The following CNTNAP2 variants were observed in gnomAD, a reference collection of about 807,000 sequenced individuals.
The protein encoded by CNTNAP2 is contactin-associated protein-like 2.
In CNTNAP2, 98 loss-of-function variants were observed where a neutral mutation model predicts 155.2. The observed-to-expected ratio is 0.63, with a 90% confidence interval of 0.54 to 0.75. The LOEUF (loss-of-function observed/expected upper bound fraction) is 0.75, where lower values mean the gene tolerates loss of function less well. CNTNAP2 is among the 30% of genes least tolerant of loss of function. CNTNAP2 has a pLI of 0.00. For missense variants in CNTNAP2, 1,727 were observed against 1,688.1 expected (o/e 1.02, Z -0.40); for synonymous variants, 651 against 631.2 (o/e 1.03, Z -0.47).
intron 1 of CNTNAP2, among the ~76,000 whole-genome samples, chr7:146,409,065 A>T (rs1473167903): frequency 6.6e-6 from 1 of 152,102 alleles, no homozygotes; most frequent in East Asian, 1.9e-4. Context: ...TGTTTAATTT[A>T]TTTTTGTATT....
chr7:146,206,909 A>G (rs1282503984), intron 1 of CNTNAP2, among the ~76,000 whole-genome samples: 2 of 151,990 alleles, frequency 1.3e-5, no homozygotes, highest in African/African-American at 2.4e-5. Flanking sequence ...ATCAAAATAC[A>G]TATTTAGATT....
At chr7:148,233,491 A>AT (rs1452397628) in intron 20 of CNTNAP2, among the ~76,000 whole-genome samples, 1 of 152,244 alleles carries the variant, frequency 6.6e-6, no homozygotes, top group Non-Finnish European at 1.5e-5. Flanking sequence ...TATGCAACCC[A>AT]TAAGGATGAA....
chr7:148,322,140 C>T (rs561341424), intron 21 of CNTNAP2, among the ~76,000 whole-genome samples: 1 of 152,134 alleles, frequency 6.6e-6, no homozygotes, highest in South Asian at 2.1e-4. Flanking sequence ...CCAGGCTGCT[C>T]TCGAACTCCT....
chr7:147,458,998 A>C (rs10245772), intron 10 of CNTNAP2, among the ~76,000 whole-genome samples: 4 of 151,634 alleles, frequency 2.6e-5, no homozygotes, highest in Non-Finnish European at 5.9e-5. Context: ...CTGTGCCACT[A>C]TATTATGGTT....
chr7:147,699,871 A>G (rs1796210612), intron 13 of CNTNAP2, among the ~76,000 whole-genome samples: 1 of 152,266 alleles, frequency 6.6e-6, no homozygotes, highest in Non-Finnish European at 1.5e-5. Context: ...AGCAACTGTC[A>G]GTCTGTCTTC....
At chr7:146,302,913 T>G (rs1454214902) in intron 1 of CNTNAP2, among the ~76,000 whole-genome samples, 1 of 152,194 alleles carries the variant, frequency 6.6e-6, no homozygotes, top group Non-Finnish European at 1.5e-5. Flanking sequence ...TTGTAATAAA[T>G]GTATTATTCA....
chr7:147,591,383 G>A lies in CNTNAP2; in HGVS notation c.1897+29126G>A, dbSNP rs570050636. On this transcript the variant is annotated intron_variant, in intron 12 of 23. Coordinates refer to ENST00000361727, the MANE Select transcript of CNTNAP2 (RefSeq NM_014141.6). ...TTTCCTCATTTCCTCTTCTTGTGAA[G>A]ACATCAGTTGGATTAGATGAAGGCT... Among the ~76,000 whole-genome samples the A allele has an allele frequency of 9.2e-5, 14 of 152,190 alleles. 1 individual carries two copies. The highest frequency in any genetic ancestry group is 3.9e-4 in the Admixed American group (6 of 15,274).
At chr7:146,277,025 G>T (rs1481201124) in intron 1 of CNTNAP2, among the ~76,000 whole-genome samples, 2 of 152,104 alleles carry the variant, frequency 1.3e-5, no homozygotes, top group African/African-American at 4.8e-5. Flanking sequence ...AATTAAGTGG[G>T]TGGTCATAAA....
intron 3 of CNTNAP2, among the ~76,000 whole-genome samples, chr7:146,970,123 A>G (rs375116624): frequency 1.4e-4 from 22 of 152,274 alleles, no homozygotes; most frequent in Admixed American, 4.6e-4. Context: ...GAAAACCTAG[A>G]CATTACCATT....
intron 8 of CNTNAP2, among the ~76,000 whole-genome samples, chr7:147,199,756 G>A (rs1422130957): frequency 6.6e-6 from 1 of 151,944 alleles, no homozygotes; most frequent in Non-Finnish European, 1.5e-5. Context: ...GAGAAAAGCA[G>A]AGGATATACA....
intron 9 of CNTNAP2, among the ~76,000 whole-genome samples, chr7:147,384,182 T>C (rs1796590427): frequency 6.6e-6 from 1 of 152,136 alleles, no homozygotes; most frequent in Admixed American, 6.6e-5. Context: ...ATCTTAAGTA[T>C]TCACTCTGAA....
At chr7:147,477,507 G>A (rs1798343754) in intron 10 of CNTNAP2, among the ~76,000 whole-genome samples, 1 of 152,034 alleles carries the variant, frequency 6.6e-6, no homozygotes, top group African/African-American at 2.4e-5. Context: ...TTTGCCTTTA[G>A]TTTTTCCCTT....
At chr7:147,298,296 C>T (rs190188205) in intron 8 of CNTNAP2, among the ~76,000 whole-genome samples, 71 of 151,936 alleles carry the variant, frequency 4.7e-4, no homozygotes, top group Middle Eastern at 3.4e-3. Context: ...TGGTGATGCA[C>T]GCCTATAATC....
intron 10 of CNTNAP2, among the ~76,000 whole-genome samples, chr7:147,425,215 A>T (rs1190796065): frequency 3.7e-3 from 28 of 7,628 alleles, no homozygotes; most frequent in African/African-American, 0.02. Context: ...TCTAAACGAC[A>T]AAAAAAAAAA....
chr7:147,874,801 G>T (rs544905444), intron 13 of CNTNAP2, among the ~76,000 whole-genome samples: 3 of 152,142 alleles, frequency 2.0e-5, no homozygotes, highest in African/African-American at 7.2e-5. Context: ...GCTTCATCTT[G>T]AATGCTTTGC....
chr7:147,047,568 A>T (rs1461293117), intron 4 of CNTNAP2, among the ~76,000 whole-genome samples: 2 of 152,224 alleles, frequency 1.3e-5, no homozygotes, highest in Admixed American at 1.3e-4. Context: ...CATTCTCATT[A>T]CAATTGCTAG....
At chr7:146,216,360 A>G (rs13239694) in intron 1 of CNTNAP2, among the ~76,000 whole-genome samples, 11,975 of 152,278 alleles carry the variant, frequency 0.079, 509 homozygotes, top group Middle Eastern at 0.14. Flanking sequence ...AAAAACAGAT[A>G]TATTCTAAGA....
chr7:146,483,326 T>TATATACAC (rs1554439604), intron 1 of CNTNAP2, among the ~76,000 whole-genome samples: 8 of 79,260 alleles, frequency 1.0e-4, no homozygotes, highest in African/African-American at 2.2e-4. Flanking sequence ...TATATATATA[T>TATATACAC]ATACATATAT....
chr7:146,823,539 A>G (rs1362856915), intron 2 of CNTNAP2, among the ~76,000 whole-genome samples: 3 of 144,028 alleles, frequency 2.1e-5, no homozygotes, highest in East Asian at 4.3e-4. Flanking sequence ...TTACATGGAA[A>G]TATACTCATT....
Sources: gnomAD v4.1 joint callset for allele counts (sites outside exome capture counted in the v4.1 genomes callset) on GRCh38, gnomAD v4.1.1 for gene constraint, MANE v1.5 for transcripts, NCBI Gene and HGNC (gene_info 2026-07-23, HGNC 2026-07-21) for gene names.